The following PCARE variants were observed in gnomAD, a reference collection of about 807,000 sequenced individuals.
The protein encoded by PCARE is uncharacterized protein C2orf71.
In PCARE, 72 loss-of-function variants were observed where a neutral mutation model predicts 82.2. The ratio of observed to expected loss-of-function variants is 0.88; its 90% CI spans 0.72 to 1.07. The LOEUF (loss-of-function observed/expected upper bound fraction) is 1.07, where lower values mean the gene tolerates loss of function less well. Among genes scored for constraint, PCARE ranks in the 50% least tolerant of loss-of-function variants. The probability of loss-of-function intolerance (pLI) is 0.00; values close to 1 mark genes in which losing one functional copy is unlikely to be tolerated. For synonymous variants in PCARE, 705 were observed against 634.8 expected (o/e 1.11, Z -1.66); for missense variants, 1,768 against 1,592.4 (o/e 1.11, Z -1.88).
rs767703292 is a variant in PCARE at position 29,072,334 on chromosome 2, T to C, written c.1928A>G (p.Gln643Arg). The change falls in exon 1 of 2, where the codon CAG becomes CGG. Residue 643 changes from glutamine to arginine, a missense_variant. Physicochemically the swap from Gln to Arg is conservative, Grantham distance 43. Transcript: ENST00000331664. ...GGGCCACACGGCGGCTGCTCTGGGC[T>C]GCAGAATTTGCTCCTGGCTCTGCCC... Reference protein sequence around the residue: ...GQGQSQEQILQPRAAAVWPNG... With the variant: ...GQGQSQEQILRPRAAAVWPNG... The C allele has an allele frequency of 4.3e-6, 7 of 1,614,044 alleles. No homozygotes were observed. Among genetic ancestry groups the C allele is most frequent in the Middle Eastern group, 1.6e-4 (1 of 6,082 alleles).
rs1301196174 is a variant in PCARE at position 29,070,442 on chromosome 2, C to G, written c.3668+152G>C. 7.5e-6 allele frequency: 7 copies of G among 930,658 alleles called. No individual in the cohort carries two copies. The African/African-American group carries it at 9.8e-5, about 13-fold the overall frequency. The allele number at this position is 930,658 out of a possible 1,614,324, so 57.7% of individuals were successfully genotyped here. A position where few individuals can be genotyped will look rare whatever the true frequency, so the allele number is the denominator to read the frequency against. On this transcript the variant is annotated intron_variant, in intron 1 of 1. Coordinates refer to ENST00000331664, the MANE Select transcript of PCARE (RefSeq NM_001029883.3). ...AACTCAAGGTTGGAGAGTGGGGGAG[C>G]TGGAACTGCCCCCTACACCTTTTTC... is the stretch of plus-strand genomic sequence containing the variant.
In PCARE at chr2:29,064,786, C is replaced by A. The variant is rs1177715044; in HGVS notation, c.*83G>T. On this transcript the variant is annotated 3_prime_UTR_variant, in exon 2 of 2. Transcript: ENST00000331664. ...CTCAGTAGGAGTTTGGTTTGCCCAT[C>A]ATCTCTGGGTCAGGCTGGACACTTG... 6.3e-7 allele frequency: 1 copy of A among 1,575,850 alleles called. No individual in the cohort carries two copies. Among genetic ancestry groups the A allele is most frequent in the Admixed American group, 1.7e-5 (1 of 59,080 alleles).
In PCARE at chr2:29,073,552, G is replaced by A. The variant is rs763380574; in HGVS notation, c.710C>T (p.Ser237Phe). The A allele has an allele frequency of 1.9e-6, 3 of 1,614,000 alleles. No homozygotes were observed. The highest frequency in any genetic ancestry group is 1.7e-6 in the Non-Finnish European group (2 of 1,180,030). Residue 237 changes from serine (S) to phenylalanine (F), a missense_variant, in exon 1 of 2, where the codon TCC becomes TTC. Coordinates refer to ENST00000331664, the MANE Select transcript of PCARE (RefSeq NM_001029883.3). ...EEISQLLGEI[S>F]KDGEVLLQEV... ...CTGCAGGAGCACTTCTCCATCCTTG[G>A]AGATCTCCCCCAACAGCTGGCTGAT...
intron 1 of PCARE, among the ~76,000 whole-genome samples, chr2:29,067,139 A>C (rs995517995): frequency 2.6e-5 from 4 of 152,172 alleles, no homozygotes; most frequent in Non-Finnish European, 4.4e-5. Context: ...GCTGCAAGAC[A>C]TCATGGGTGT....
Position 29,074,222 on chromosome 2 carries a change from C to T in PCARE, c.40G>A (p.Val14Ile), listed in dbSNP as rs201588538. Residue 14 changes from valine to isoleucine, a missense_variant, in exon 1 of 2, where the codon GTT (valine) becomes ATT (isoleucine). Transcript: ENST00000331664. ...AAGAACTGAATGCCACTCTTTGCAACGCTGTTTACAAGGTCACTGTGTGAA... is the reference window on the plus strand; with the variant it reads ...AAGAACTGAATGCCACTCTTTGCAATGCTGTTTACAAGGTCACTGTGTGAA... Reference protein sequence around the residue: ...TPSHSDLVNSVAKSGIQFLKK... With the variant: ...TPSHSDLVNSIAKSGIQFLKK... 6.6e-5 allele frequency: 104 copies of T among 1,582,084 alleles called. No homozygotes were observed. The highest frequency in any genetic ancestry group is 3.4e-4 in the African/African-American group (25 of 73,990).
Position 29,064,866 on chromosome 2 carries a change from C to A in PCARE, c.*3G>T. ...GCGTGAGTGTGGCCCCCTCGTCAGCCTGTCAGGACACCTCCTCTTGCTGGG... is the reference window on the plus strand; with the variant it reads ...GCGTGAGTGTGGCCCCCTCGTCAGCATGTCAGGACACCTCCTCTTGCTGGG... On this transcript the variant is annotated 3_prime_UTR_variant, in exon 2 of 2. Transcript: ENST00000331664. 3 of 1,611,018 alleles carry A rather than the reference C, an allele frequency of 1.9e-6. No individual in the cohort carries two copies. Among genetic ancestry groups the A allele is most frequent in the Non-Finnish European group, 2.5e-6 (3 of 1,179,966 alleles).
At chr2:29,070,212 T>A (rs1667448065) in intron 1 of PCARE, among the ~76,000 whole-genome samples, 1 of 152,180 alleles carries the variant, frequency 6.6e-6, no homozygotes, top group African/African-American at 2.4e-5. Context: ...CAACCCATCA[T>A]CCAGGTTTTA....
chr2:29,072,424 C>T lies in PCARE; in HGVS notation c.1838G>A (p.Arg613Gln), dbSNP rs369010126. 4.4e-5 allele frequency: 71 copies of T among 1,614,170 alleles called. 1 individual carries two copies. The highest frequency in any genetic ancestry group is 3.8e-4 in the Admixed American group (23 of 60,028). The change falls in exon 1 of 2, where the codon CGA becomes CAA. Residue 613 changes from arginine (R) to glutamine (Q), a missense_variant. By Grantham distance (43) the Arg-to-Gln change is conservative. Coordinates refer to ENST00000331664, the MANE Select transcript of PCARE (RefSeq NM_001029883.3). ...CTGACTGAGGTCCCTCTGGACCCTT[C>T]GCAGCTCCTGAAAGGTGGGGTCCTC... ...HVEDPTFQEL[R>Q]RVQRDLSQKL...
chr2:29,066,314 A>T (rs1667388615), intron 1 of PCARE, among the ~76,000 whole-genome samples: 1 of 152,122 alleles, frequency 6.6e-6, no homozygotes, highest in Non-Finnish European at 1.5e-5. Context: ...TGCATTGTTG[A>T]ATGAACAGGA....
In PCARE at chr2:29,064,631, T is replaced by C. The variant is rs1051805238; in HGVS notation, c.*238A>G. 1.0e-5 allele frequency: 6 copies of C among 595,802 alleles called. No homozygotes were observed. The highest frequency in any genetic ancestry group is 2.9e-5 in the Admixed American group (1 of 34,662). 36.9% of individuals were successfully genotyped at this position (595,802 alleles called of 1,614,324 possible). Reference sequence around the variant, plus strand: ...GCACTTGAAGCATTAAATACTGTCATTGTGGGGTCTAAAAGTTCTGGTTAA... The same window carrying C: ...GCACTTGAAGCATTAAATACTGTCACTGTGGGGTCTAAAAGTTCTGGTTAA... On this transcript the variant is annotated 3_prime_UTR_variant, in exon 2 of 2. Coordinates refer to ENST00000331664, the MANE Select transcript of PCARE (RefSeq NM_001029883.3).
At chr2:29,068,752 G>A (rs1375764451) in intron 1 of PCARE, among the ~76,000 whole-genome samples, 1 of 152,202 alleles carries the variant, frequency 6.6e-6, no homozygotes, top group Non-Finnish European at 1.5e-5. Context: ...TTGGAACTCA[G>A]CCTGCCCGGG....
At chr2:29,069,215 A>G (rs1206430814) in intron 1 of PCARE, among the ~76,000 whole-genome samples, 4 of 152,212 alleles carry the variant, frequency 2.6e-5, no homozygotes, top group Admixed American at 6.5e-5. Context: ...GTTGTAGAAG[A>G]TACTCTTTTC....
chr2:29,073,755 C>T lies in PCARE; in HGVS notation c.507G>A (p.Glu169=). The T allele has an allele frequency of 1.2e-6, 2 of 1,614,236 alleles. No individual in the cohort carries two copies. Among genetic ancestry groups the T allele is most frequent in the African/African-American group, 1.3e-5 (1 of 75,060 alleles). Reference sequence around the variant, plus strand: ...CCGGGAAGTCCACTTTGCCTTCAGGCTCATGAGCAGGGTGGATGGTTTGGT... The same window carrying T: ...CCGGGAAGTCCACTTTGCCTTCAGGTTCATGAGCAGGGTGGATGGTTTGGT... ...HCYQTIHPAH[E]PEGKVDFPEP... is the part of the protein sequence containing the mutation. The change falls in exon 1 of 2, where the codon GAG becomes GAA. Residue 169 remains glutamate (E), a synonymous_variant. Transcript: ENST00000331664.
rs773573306 is a variant in PCARE, at chr2:29,071,554, G to T, written c.2708C>A (p.Pro903His). ...GCCACTCCCTGGCCCTGTGCTGTGA[G>T]GCTTGGTCAGGCTGGCGGTGCTCTT... ...PSKSTASLTK[P>H]HSTGPGSGRS... The change falls in exon 1 of 2, where the codon CCT becomes CAT. Residue 903 changes from proline to histidine, a missense_variant. By Grantham distance (77) the Pro-to-His change is moderately conservative. Coordinates refer to ENST00000331664, the MANE Select transcript of PCARE (RefSeq NM_001029883.3). 10 of 1,610,544 alleles carry T rather than the reference G, an allele frequency of 6.2e-6. No homozygotes were observed. In the East Asian group the frequency reaches 2.2e-4, roughly 36 times the overall value.
rs751489707 is a variant in PCARE at position 29,071,707 on chromosome 2, C to G, written c.2555G>C (p.Ser852Thr). Residue 852 changes from serine to threonine, a missense_variant, in exon 1 of 2, where the codon AGC becomes ACC. Transcript: ENST00000331664. ...SFASLESPES[S>T]KSTENSPKET... ...CTTGGGGGAGTTCTCTGTGGACTTG[C>G]TGCTTTCTGGGGACTCCAGAGAAGC... The G allele has an allele frequency of 4.3e-6, 7 of 1,614,134 alleles. No homozygotes were observed. Among genetic ancestry groups the G allele is most frequent in the East Asian group, 2.2e-5 (1 of 44,880 alleles).
rs1667458048 is a variant in PCARE at position 29,070,688 on chromosome 2, T to C, written c.3574A>G (p.Arg1192Gly). Residue 1192 changes from arginine (R) to glycine (G), a missense_variant, in exon 1 of 2, where the codon AGG becomes GGG. Transcript: ENST00000331664. The part of the protein sequence containing the change: ...CALNPLPFLR[R>G]TASDRQPGGR... ...CCTGGCTGGCGGTCAGAAGCTGTCC[T>C]CCTGAGGAAAGGCAGAGGGTTGAGG... 1.2e-6 allele frequency: 2 copies of C among 1,614,060 alleles called. No individual in the cohort carries two copies. The highest frequency in any genetic ancestry group is 1.7e-6 in the Non-Finnish European group (2 of 1,180,008).
Position 29,070,842 on chromosome 2 carries a change from G to A in PCARE, c.3420C>T (p.Ala1140=). The part of the protein sequence containing the change: ...LFEAKPPLST[A]HPLTPPSLPP... Reference sequence around the variant, plus strand: ...GCAGCGATGGTGGGGTCAGTGGGTGGGCTGTTGAGAGTGGCGGTTTAGCTT... The same window carrying A: ...GCAGCGATGGTGGGGTCAGTGGGTGAGCTGTTGAGAGTGGCGGTTTAGCTT... The change falls in exon 1 of 2, where the codon GCC becomes GCT. Residue 1140 remains alanine (A), a synonymous_variant. Transcript: ENST00000331664. The A allele has an allele frequency of 6.2e-7, 1 of 1,614,102 alleles. No homozygotes were observed. The highest frequency in any genetic ancestry group is 8.5e-7 in the Non-Finnish European group (1 of 1,180,032).
Position 29,072,633 on chromosome 2 carries a change from C to T in PCARE, c.1629G>A (p.Lys543=), listed in dbSNP as rs1309380983. Residue 543 remains lysine (K), a synonymous_variant, in exon 1 of 2, where the codon AAG becomes AAA. Coordinates refer to ENST00000331664, the MANE Select transcript of PCARE (RefSeq NM_001029883.3). ...RSLQAQEMIL[K]MKESISERIK... is the part of the protein sequence containing the mutation. ...TCCTTTCGCTGATTGACTCCTTCAT[C>T]TTCAGAATCATTTCCTGGGCCTGGA... 2.5e-6 allele frequency: 4 copies of T among 1,614,144 alleles called. No homozygotes were observed. Among genetic ancestry groups the T allele is most frequent in the Admixed American group, 1.7e-5 (1 of 60,026 alleles).
chr2:29,066,421 A>G (rs1667390470), intron 1 of PCARE, among the ~76,000 whole-genome samples: 1 of 152,194 alleles, frequency 6.6e-6, no homozygotes, highest in Admixed American at 6.5e-5. Flanking sequence ...CAGGGCCAGG[A>G]CAGGACCCTA....
Sources: gnomAD v4.1 joint callset for allele counts (sites outside exome capture counted in the v4.1 genomes callset) on GRCh38, gnomAD v4.1.1 for gene constraint, MANE v1.5 for transcripts, NCBI Gene and HGNC (gene_info 2026-07-23, HGNC 2026-07-21) for gene names.